Variants in VWA3B observed in about 807,000 individuals in gnomAD.
VWA3B encodes von Willebrand factor A domain containing 3B, also known as von Willebrand factor A domain-containing protein 3B.
A neutral mutation model predicts 158.3 loss-of-function variants in VWA3B; 138 were observed. The observed-to-expected ratio is 0.87, with a 90% CI of 0.76 to 1.00. The LOEUF (loss-of-function observed/expected upper bound fraction) is 1.00, where lower values mean the gene tolerates loss of function less well. VWA3B is among the 50% of genes least tolerant of loss of function. The probability of loss-of-function intolerance (pLI) is 0.00; values close to 1 mark genes in which losing one functional copy is unlikely to be tolerated. For synonymous variants in VWA3B, 596 were observed against 587.3 expected (o/e 1.01, Z -0.21); for missense variants, 1,555 against 1,565.1 (o/e 0.99, Z 0.11).
intron 2 of VWA3B, among the ~76,000 whole-genome samples, chr2:98,096,059 G>T (rs1341301461): frequency 6.6e-6 from 1 of 152,156 alleles, no homozygotes; most frequent in African/African-American, 2.4e-5. Flanking sequence ...ATGTTCATCA[G>T]GGGTATTGGC....
At chr2:98,205,237 T>A (rs1453997630) in intron 12 of VWA3B, among the ~76,000 whole-genome samples, 5 of 152,238 alleles carry the variant, frequency 3.3e-5, no homozygotes, top group Non-Finnish European at 5.9e-5. Flanking sequence ...GGTTGTCAGT[T>A]TCATCTTGGT....
At chr2:98,204,046 T>C (rs990072978) in intron 12 of VWA3B, among the ~76,000 whole-genome samples, 8 of 152,194 alleles carry the variant, frequency 5.3e-5, no homozygotes, top group Admixed American at 4.6e-4. Flanking sequence ...ATTGTATAGG[T>C]TATGTGCAAA....
intron 7 of VWA3B, among the ~76,000 whole-genome samples, chr2:98,147,916 G>A (rs1677306034): frequency 7.3e-6 from 1 of 137,482 alleles, no homozygotes; most frequent in Non-Finnish European, 1.5e-5. Flanking sequence ...TGTTCTCATT[G>A]TTCAATTCCC....
intron 21 of VWA3B, chr2:98,269,303 GTA>G (rs917230520): frequency 6.6e-6 from 1 of 152,118 alleles, no homozygotes; most frequent in African/African-American, 2.4e-5. Context: ...GCTTGTGTGT[GTA>G]ATTTCCCAGT....
intron 2 of VWA3B, among the ~76,000 whole-genome samples, chr2:98,109,793 T>A (rs1483820644): frequency 7.2e-6 from 1 of 138,816 alleles, no homozygotes; most frequent in Non-Finnish European, 1.6e-5. Flanking sequence ...TTGATAGTTC[T>A]TTTTTTTTTT....
At chr2:98,193,904 T>G (rs1209438591) in intron 11 of VWA3B, among the ~76,000 whole-genome samples, 1 of 152,190 alleles carries the variant, frequency 6.6e-6, no homozygotes, top group Non-Finnish European at 1.5e-5. Context: ...CACTTTTTAA[T>G]TTAACAAAGC....
the VWA3B span, among the ~76,000 whole-genome samples, chr2:98,318,884 C>G: frequency 6.6e-6 from 1 of 152,152 alleles, no homozygotes; most frequent in African/African-American, 2.4e-5. Flanking sequence ...AGATTGGTTC[C>G]AGCAACCCCT....
chr2:98,186,417 T>A (rs978116410), intron 9 of VWA3B, among the ~76,000 whole-genome samples: 6 of 152,098 alleles, frequency 3.9e-5, no homozygotes, highest in Non-Finnish European at 2.9e-5. Context: ...CGGCCTACCC[T>A]GATCTCCCGA....
intron 21 of VWA3B, 21 bp from the exon 22 acceptor site, chr2:98,270,661 G>T (rs1264940742): frequency 8.1e-6 from 13 of 1,600,862 alleles, no homozygotes; most frequent in Middle Eastern, 1.7e-4. Flanking sequence ...CTGTTTGTTT[G>T]TTTGTTTCTT....
intron 22 of VWA3B, among the ~76,000 whole-genome samples, chr2:98,286,322 A>G (rs1689165038): frequency 6.6e-6 from 1 of 152,160 alleles, no homozygotes; most frequent in Non-Finnish European, 1.5e-5. Flanking sequence ...AGAAGTGGTG[A>G]GAGTGCCTTA....
chr2:98,235,349 G>A (rs1685608063), intron 17 of VWA3B, among the ~76,000 whole-genome samples: 1 of 151,834 alleles, frequency 6.6e-6, no homozygotes, highest in South Asian at 2.1e-4. Flanking sequence ...TAGCAAATGT[G>A]CCCCTGTGGC....
At chr2:98,113,559 A>G (rs1674309168) in intron 2 of VWA3B, among the ~76,000 whole-genome samples, 2 of 152,286 alleles carry the variant, frequency 1.3e-5, no homozygotes, top group Non-Finnish European at 2.9e-5. Context: ...ACTATATATT[A>G]TTTATAACAG....
At chr2:98,207,187 TG>T in intron 12 of VWA3B, 1 of 550,758 alleles carries the variant, frequency 1.8e-6, no homozygotes, top group Non-Finnish European at 3.7e-6. Flanking sequence ...GGGAAAGAAT[TG>T]CCACTACCAA....
At chr2:98,247,223 C>T (rs991280070) in intron 19 of VWA3B, among the ~76,000 whole-genome samples, 1 of 152,030 alleles carries the variant, frequency 6.6e-6, no homozygotes, top group Non-Finnish European at 1.5e-5. Flanking sequence ...GTCTTGATCT[C>T]CTGACCTCAA....
chr2:98,259,809 T>A (rs1413971475), intron 21 of VWA3B, among the ~76,000 whole-genome samples: 1 of 151,680 alleles, frequency 6.6e-6, no homozygotes, highest in Non-Finnish European at 1.5e-5. Flanking sequence ...TTTTTCTAGG[T>A]CCTTAAGGTG....
At chr2:98,158,244 G>T (rs1678262288) in intron 7 of VWA3B, among the ~76,000 whole-genome samples, 2 of 151,608 alleles carry the variant, frequency 1.3e-5, no homozygotes, top group Non-Finnish European at 2.9e-5. Context: ...TGCTGTGGAG[G>T]ATACAAAGAA....
At chr2:98,258,261 T>C (rs1336145541) in intron 21 of VWA3B, among the ~76,000 whole-genome samples, 2 of 151,922 alleles carry the variant, frequency 1.3e-5, no homozygotes, top group Non-Finnish European at 1.5e-5. Context: ...TTATTGTAGA[T>C]TTGTATTCAG....
At position 98,312,013 on chromosome 2, in the gene VWA3B, G is replaced by A. The variant is rs767256904; in HGVS notation, c.3716G>A (p.Gly1239Glu). ...ATCAGCTCCCATGGGTCCTGCCAGG[G>A]GACACACCCCGAGCCCAGGGTTTGG... ...HGISSHGSCQ[G>E]THPEPRTAHL... Residue 1239 changes from glycine (G) to glutamate (E), a missense_variant, in exon 27 of 28, where the codon GGG (glycine) becomes GAG (glutamate). Physicochemically the swap from Gly to Glu is moderately conservative, Grantham distance 98. Transcript: ENST00000477737. The A allele has an allele frequency of 6.2e-7, 1 of 1,600,498 alleles. No individual in the cohort carries two copies. Among genetic ancestry groups the A allele is most frequent in the South Asian group, 1.1e-5 (1 of 88,982 alleles).
intron 21 of VWA3B, among the ~76,000 whole-genome samples, chr2:98,256,622 G>A (rs1235719195): frequency 3.3e-5 from 5 of 151,970 alleles, no homozygotes; most frequent in African/African-American, 1.2e-4. Context: ...CCGCTTTTTC[G>A]CTATCATGAA....
Sources: allele counts gnomAD v4.1 joint callset (sites outside exome capture counted in the v4.1 genomes callset), GRCh38; gene constraint gnomAD v4.1.1; transcripts MANE v1.5; gene names NCBI Gene and HGNC (gene_info 2026-07-23, HGNC 2026-07-21).